Variants in CLDN16 observed in about 807,000 individuals in gnomAD.
CLDN16 encodes the protein claudin 16.
In CLDN16, 13 loss-of-function variants were observed where a neutral mutation model predicts 24.6. That is an observed-to-expected ratio of 0.53 (90% CI 0.34 to 0.84). The LOEUF (loss-of-function observed/expected upper bound fraction) is 0.84. Among genes scored for constraint, CLDN16 ranks in the 40% least tolerant of loss-of-function variants. The pLI is 0.01. For missense variants in CLDN16, 298 were observed against 292.7 expected (o/e 1.02, Z -0.13); for synonymous variants, 116 against 106.7 (o/e 1.09, Z -0.54).
intron 3 of CLDN16, 50 bp from the exon 4 acceptor site, chr3:190,408,264 A>T: frequency 6.4e-7 from 1 of 1,561,586 alleles, no homozygotes; most frequent in East Asian, 2.2e-5. Context: ...TTTTGGATTT[A>T]AATTCAGAAA....
chr3:190,393,777 A>ATC (rs1229894577), intron 1 of CLDN16, among the ~76,000 whole-genome samples: 2 of 136,510 alleles, frequency 1.5e-5, no homozygotes, highest in East Asian at 4.2e-4. Flanking sequence ...TTAAATCAGA[A>ATC]TCTCTCTCTG....
At chr3:190,349,973 A>G (rs1363769710) in intron 1 of CLDN16, among the ~76,000 whole-genome samples, 1 of 152,124 alleles carries the variant, frequency 6.6e-6, no homozygotes, top group East Asian at 1.9e-4. Flanking sequence ...AAACCATTGA[A>G]TTTCGGGTGG....
At chr3:190,332,925 T>C (rs1351728222) in intron 1 of CLDN16, among the ~76,000 whole-genome samples, 2 of 152,142 alleles carry the variant, frequency 1.3e-5, no homozygotes, top group Non-Finnish European at 2.9e-5. Flanking sequence ...GAAGGGAACA[T>C]TGTATTTCCA....
At chr3:190,334,200 T>C (rs1307741533) in intron 1 of CLDN16, among the ~76,000 whole-genome samples, 2 of 152,176 alleles carry the variant, frequency 1.3e-5, no homozygotes, top group Non-Finnish European at 2.9e-5. Context: ...TGATTGTTGT[T>C]AGGATAAAAC....
intron 2 of CLDN16, among the ~76,000 whole-genome samples, chr3:190,373,709 T>C (rs1299479228): frequency 6.6e-6 from 1 of 151,962 alleles, no homozygotes; most frequent in African/African-American, 2.4e-5. Context: ...CAGTCATCAC[T>C]GATTATCCAA....
At chr3:190,392,490 C>A (rs1056599188) in intron 1 of CLDN16, among the ~76,000 whole-genome samples, 2 of 152,078 alleles carry the variant, frequency 1.3e-5, no homozygotes, top group Non-Finnish European at 2.9e-5. Flanking sequence ...TAGGATGAGA[C>A]CTGGAGCCTC....
At chr3:190,335,318 A>G (rs1014594276) in intron 1 of CLDN16, among the ~76,000 whole-genome samples, 2 of 152,020 alleles carry the variant, frequency 1.3e-5, no homozygotes, top group African/African-American at 4.8e-5. Flanking sequence ...TGCTAGGATT[A>G]CAGATGTGAG....
At chr3:190,330,043 C>A (rs868583723) in intron 1 of CLDN16, among the ~76,000 whole-genome samples, 3 of 151,764 alleles carry the variant, frequency 2.0e-5, no homozygotes, top group African/African-American at 4.8e-5. Flanking sequence ...ACCGTCCCCC[C>A]TCCACCAGCA....
intron 1 of CLDN16, among the ~76,000 whole-genome samples, chr3:190,323,166 C>G (rs1049282044): frequency 6.6e-6 from 1 of 152,174 alleles, no homozygotes; most frequent in South Asian, 2.1e-4. Context: ...TATGAAACTG[C>G]AGGCTAGCAG....
intron 1 of CLDN16, among the ~76,000 whole-genome samples, chr3:190,399,637 G>A (rs1718911911): frequency 6.6e-6 from 1 of 152,146 alleles, no homozygotes; most frequent in South Asian, 2.1e-4. Context: ...AGGGTAATTA[G>A]CATACCCATC....
At chr3:190,392,084 T>C (rs1361462241) in intron 1 of CLDN16, among the ~76,000 whole-genome samples, 1 of 150,436 alleles carries the variant, frequency 6.6e-6, no homozygotes, top group African/African-American at 2.5e-5. Context: ...TTTAACATCA[T>C]GTCTCCATGA....
At chr3:190,337,960 T>A (rs75045063) in intron 1 of CLDN16, among the ~76,000 whole-genome samples, 10,721 of 152,192 alleles carry the variant, frequency 0.07, 563 homozygotes, top group African/African-American at 0.14. Flanking sequence ...CCCCTTTTAA[T>A]GTATAGCTGT....
chr3:190,387,951 G>A, upstream of CLDN16: 6 of 667,590 alleles, frequency 9.0e-6, no homozygotes, highest in Middle Eastern at 4.0e-4. Context: ...CCAGCATGGG[G>A]TGGGACCCTT....
In CLDN16 at chr3:190,353,401, T is replaced by C. The variant is rs559898581; in HGVS notation, n.122-17492T>C. ...AATAGCTTCCCATTGTTTATGGCAA[T>C]GGCTTTCAAAGTCATTTGGTCACCC... On this transcript the variant is annotated intron_variant and non_coding_transcript_variant, in intron 1 of 4. Coordinates refer to the CLDN16 transcript ENST00000468220. Among the ~76,000 whole-genome samples, 12 of 152,212 alleles carry C rather than the reference T, an allele frequency of 7.9e-5. No individual in the cohort carries two copies. The South Asian group carries it at 2.1e-3, about 26-fold the overall frequency.
chr3:190,315,930 T>C, the CLDN16 span, among the ~76,000 whole-genome samples: 1 of 152,206 alleles, frequency 6.6e-6, no homozygotes, highest in South Asian at 2.1e-4. Flanking sequence ...CCAGGGCCCT[T>C]ACTGCACCCA....
upstream of CLDN16, among the ~76,000 whole-genome samples, chr3:190,384,073 C>T (rs547242414): frequency 1.2e-4 from 18 of 152,222 alleles, no homozygotes; most frequent in Non-Finnish European, 2.2e-4. Context: ...AGCCTAAACT[C>T]GAGTCAGCCT....
chr3:190,329,148 A>G (rs1485977785), intron 1 of CLDN16, among the ~76,000 whole-genome samples: 1 of 152,260 alleles, frequency 6.6e-6, no homozygotes, highest in African/African-American at 2.4e-5. Context: ...GAAGGAAGAG[A>G]TATAAGTTAA....
chr3:190,408,301 C>G lies in CLDN16; in HGVS notation c.383-13C>G. ...TGTCCCCTATTATTTGTAGCATCCT[C>G]CCTTTCTTTCAGGTACCCCAGGAAT... On this transcript the variant is annotated splice_polypyrimidine_tract_variant and intron_variant, in intron 3 of 4. Coordinates refer to ENST00000264734, the MANE Select transcript of CLDN16 (RefSeq NM_006580.4). The G allele has an allele frequency of 6.2e-7, 1 of 1,611,944 alleles. No individual in the cohort carries two copies. The highest frequency in any genetic ancestry group is 8.5e-7 in the Non-Finnish European group (1 of 1,178,024).
intron 1 of CLDN16, among the ~76,000 whole-genome samples, chr3:190,393,473 A>G (rs992130398): frequency 1.3e-5 from 2 of 152,228 alleles, no homozygotes; most frequent in Non-Finnish European, 2.9e-5. Flanking sequence ...TGAGAGAATA[A>G]CAATACACAC....
Sources: allele counts gnomAD v4.1 joint callset (sites outside exome capture counted in the v4.1 genomes callset), GRCh38; gene constraint gnomAD v4.1.1; transcripts MANE v1.5; gene names NCBI Gene and HGNC (gene_info 2026-07-23, HGNC 2026-07-21).